Variants in FRMPD4 observed in about 807,000 individuals in gnomAD.
The protein encoded by FRMPD4 is FERM and PDZ domain-containing protein 4.
A neutral mutation model predicts 94.1 loss-of-function variants in FRMPD4; 22 were observed. The ratio of observed to expected loss-of-function variants is 0.23; its 90% CI spans 0.17 to 0.33. FRMPD4 has a LOEUF of 0.33. Among genes scored for constraint, FRMPD4 ranks in the 10% least tolerant of loss-of-function variants. FRMPD4 has a pLI of 1.00. For missense variants in FRMPD4, 1,111 were observed against 1,339.9 expected, an observed-to-expected ratio of 0.83 and a Z score of 2.67; for synonymous variants, 631 against 548.6, an observed-to-expected ratio of 1.15 and a Z score of -2.10.
At chrX:12,378,713 A>G (rs780188102) in intron 1 of FRMPD4, among the ~76,000 whole-genome samples, 128 of 112,197 alleles carry the variant, frequency 1.1e-3, no homozygotes, top group African/African-American at 3.8e-3. Context: ...TTCTTGGCCA[A>G]TGGATCAGTA....
At position 12,060,722 on chromosome X, in the gene FRMPD4, C is replaced by T. The variant is rs144718703; in HGVS notation, c.95+182704C>T. Among the ~76,000 whole-genome samples the T allele has an allele frequency of 2.1e-3, 230 of 111,333 alleles. 1 individual carries two copies. The highest frequency in any genetic ancestry group is 7.0e-3 in the African/African-American group (215 of 30,676). Reference sequence around the variant, plus strand: ...TTGTCCTGTCTCCCCGTTCATCTAACATCTCTTTTAAAATTGTATGCCTTG... The same window carrying T: ...TTGTCCTGTCTCCCCGTTCATCTAATATCTCTTTTAAAATTGTATGCCTTG... On this transcript the variant is annotated intron_variant, in intron 3 of 18. Coordinates refer to the FRMPD4 transcript ENST00000640291.
intron 1 of FRMPD4, among the ~76,000 whole-genome samples, chrX:12,412,644 G>A (rs1177918366): frequency 1.8e-5 from 2 of 112,286 alleles, no homozygotes; most frequent in Admixed American, 1.9e-4. Flanking sequence ...TTAGGGCCAT[G>A]CCTGATAATG....
At chrX:12,322,736 G>A (rs997754309) in intron 1 of FRMPD4, among the ~76,000 whole-genome samples, 18 of 111,669 alleles carry the variant, frequency 1.6e-4, no homozygotes, top group African/African-American at 5.5e-4. Flanking sequence ...CTGGTCATAC[G>A]TAGCATTTCA....
At chrX:12,479,457 T>TACAC (rs1432004953) in intron 1 of FRMPD4, among the ~76,000 whole-genome samples, 116 of 50,490 alleles carry the variant, frequency 2.3e-3, no homozygotes, top group African/African-American at 7.5e-3. Flanking sequence ...TATATATATG[T>TACAC]ATATATGTAT....
rs139047159 is a variant in FRMPD4 at position 12,274,391 on chromosome X, A to G, written c.41+135379A>G. 4.2e-3 allele frequency among the ~76,000 whole-genome samples: 472 copies of G among 112,090 alleles called. 2 individuals are homozygous for G. The highest frequency in any genetic ancestry group is 0.014 in the African/African-American group (438 of 30,824). On this transcript the variant is annotated intron_variant, in intron 1 of 16. Transcript: ENST00000675598. ...AGCCTCACAGTCAATTCACTGTGGA[A>G]TAAAAATAGGCTATTTTACTCTGAA...
chrX:12,001,088 A>G (rs1457610354), intron 3 of FRMPD4, among the ~76,000 whole-genome samples: 1 of 111,983 alleles, frequency 8.9e-6, no homozygotes, highest in Non-Finnish European at 1.9e-5. Context: ...AGGTATCTGT[A>G]CTGTTTGCCT....
intron 1 of FRMPD4, among the ~76,000 whole-genome samples, chrX:12,189,932 C>T (rs777205996): frequency 1.5e-3 from 170 of 111,238 alleles, no homozygotes; most frequent in African/African-American, 4.9e-3. Flanking sequence ...AAATAACTGT[C>T]TTTTATTCAC....
intron 2 of FRMPD4, among the ~76,000 whole-genome samples, chrX:12,600,890 A>G (rs1003424324): frequency 5.4e-5 from 6 of 111,869 alleles, no homozygotes; most frequent in Non-Finnish European, 1.1e-4. Context: ...TCTTGTTTAG[A>G]GTGTTCTTTT....
At chrX:12,655,799 T>A (rs915133845) in intron 4 of FRMPD4, among the ~76,000 whole-genome samples, 1 of 111,981 alleles carries the variant, frequency 8.9e-6, no homozygotes, top group Non-Finnish European at 1.9e-5. Context: ...ATGAATGAGA[T>A]GAAACGAATT....
At chrX:11,912,512 C>G (rs962509922) in intron 3 of FRMPD4, among the ~76,000 whole-genome samples, 40 of 111,718 alleles carry the variant, frequency 3.6e-4, no homozygotes, top group African/African-American at 1.3e-3. Context: ...ACAAAAATAT[C>G]ACTTGAGAGA....
intron 2 of FRMPD4, among the ~76,000 whole-genome samples, chrX:12,517,741 T>A (rs2058117404): frequency 9.0e-6 from 1 of 111,282 alleles, no homozygotes; most frequent in Non-Finnish European, 1.9e-5. Flanking sequence ...GCAGAGGGGG[T>A]GTGCCGCACT....
intron 1 of FRMPD4, among the ~76,000 whole-genome samples, chrX:12,319,723 C>A (rs2055179332): frequency 8.9e-6 from 1 of 111,834 alleles, no homozygotes; most frequent in Non-Finnish European, 1.9e-5. Context: ...AATGAGACTA[C>A]CACTGTAAAA....
intron 3 of FRMPD4, among the ~76,000 whole-genome samples, chrX:11,924,772 A>G (rs2054076774): frequency 8.9e-6 from 1 of 112,082 alleles, no homozygotes; most frequent in African/African-American, 3.2e-5. Flanking sequence ...TAAATATGAA[A>G]AAGAAAGACT....
rs772397955 is a variant in FRMPD4, at chrX:12,418,569, A to C, written c.42-80111A>C. ...GAGATGGGGTTTCACCATGTTGGTC[A>C]GGCTGGTCTCGAACTCCCGACCTCG... On this transcript the variant is annotated intron_variant, in intron 1 of 16. Coordinates refer to ENST00000675598, the MANE Select transcript of FRMPD4 (RefSeq NM_001368397.1). 5.5e-5 allele frequency among the ~76,000 whole-genome samples: 6 copies of C among 109,475 alleles called. No homozygotes were observed. The South Asian group carries it at 2.4e-3, about 45-fold the overall frequency.
intron 4 of FRMPD4, among the ~76,000 whole-genome samples, chrX:12,655,999 GT>G (rs1408201780): frequency 8.9e-6 from 1 of 112,039 alleles, no homozygotes; most frequent in Admixed American, 9.5e-5. Flanking sequence ...TTACATTACT[GT>G]AAGACATTCT....
chrX:12,568,797 T>C (rs1449067908), intron 2 of FRMPD4, among the ~76,000 whole-genome samples: 3 of 112,284 alleles, frequency 2.7e-5, no homozygotes, highest in African/African-American at 9.7e-5. Flanking sequence ...ATTTCTAGTC[T>C]GTGACTCAGA....
At chrX:11,925,033 G>C (rs1184021411) in intron 3 of FRMPD4, among the ~76,000 whole-genome samples, 1 of 110,244 alleles carries the variant, frequency 9.1e-6, no homozygotes, top group African/African-American at 3.3e-5. Context: ...GACACATATA[G>C]GCTCAAAATA....
chrX:12,653,733 T>TAAAA (rs35537156), intron 4 of FRMPD4, among the ~76,000 whole-genome samples: 1 of 93,490 alleles, frequency 1.1e-5, no homozygotes, highest in African/African-American at 3.8e-5. Flanking sequence ...TATGACTTAC[T>TAAAA]AAAAAAAAAA....
At chrX:11,881,416 G>A (rs1453442853) in intron 3 of FRMPD4, among the ~76,000 whole-genome samples, 7 of 112,380 alleles carry the variant, frequency 6.2e-5, no homozygotes, top group African/African-American at 2.3e-4. Flanking sequence ...TTTAATGGAT[G>A]AATGAATAAA....
Sources: gnomAD v4.1 joint callset for allele counts (sites outside exome capture counted in the v4.1 genomes callset) on GRCh38, gnomAD v4.1.1 for gene constraint, MANE v1.5 for transcripts, NCBI Gene and HGNC (gene_info 2026-07-23, HGNC 2026-07-21) for gene names.